Variants in GZMA observed in about 807,000 individuals in gnomAD.
The protein encoded by GZMA is granzyme A.
A neutral mutation model predicts 21.1 loss-of-function variants in GZMA; 17 were observed. The observed-to-expected ratio is 0.81, with a 90% CI of 0.55 to 1.21. The LOEUF (loss-of-function observed/expected upper bound fraction) is 1.21. Among genes scored for constraint, GZMA ranks in the 50% most tolerant of loss-of-function variants. The pLI is 0.00. For synonymous variants in GZMA, 90 were observed against 107.8 expected (o/e 0.83, Z 1.03); for missense variants, 306 against 315.9 (o/e 0.97, Z 0.24).
rs1325845946 is a variant in GZMA, at chr5:55,108,357, G to T, written c.590G>T (p.Cys197Phe). Residue 197 changes from cysteine to phenylalanine, a missense_variant, in exon 4 of 5, where the codon TGT becomes TTT. By Grantham distance (205) the Cys-to-Phe change is radical. Coordinates refer to ENST00000274306, the MANE Select transcript of GZMA (RefSeq NM_006144.4). ...CCTGTGATTGGAATGAATATGGTTT[G>T]TGCTGGAAGCCTCCGAGGTGGAAGA... ...FNPVIGMNMV[C>F]AGSLRGGRDS... The T allele has an allele frequency of 2.5e-6, 4 of 1,613,238 alleles. No individual in the cohort carries two copies. The highest frequency in any genetic ancestry group is 3.4e-6 in the Non-Finnish European group (4 of 1,179,342).
chr5:55,103,176 C>T (rs918098284), intron 1 of GZMA, among the ~76,000 whole-genome samples: 6 of 152,122 alleles, frequency 3.9e-5, no homozygotes, highest in East Asian at 1.9e-4. Context: ...GTTAACAAAA[C>T]TCTCTTGTTC....
At chr5:55,108,559 C>A (rs1046409696) in intron 4 of GZMA, among the ~76,000 whole-genome samples, 165 bp downstream of exon 4, 1 of 152,164 alleles carries the variant, frequency 6.6e-6, no homozygotes, top group Non-Finnish European at 1.5e-5. Flanking sequence ...ATGCTCGCAG[C>A]TCAAGTGAGT....
chr5:55,104,237 G>C lies in GZMA; in HGVS notation c.71-1237G>C, dbSNP rs147938616. ...TGCTCCTCTTTGTTTCCTGTGTTCA[G>C]AGAGGGCAGTGTGGGCCCATATAAG... On this transcript the variant is annotated intron_variant, in intron 1 of 4. Coordinates refer to ENST00000274306, the MANE Select transcript of GZMA (RefSeq NM_006144.4). 9.0e-4 allele frequency among the ~76,000 whole-genome samples: 137 copies of C among 152,318 alleles called. 1 individual carries two copies. The highest frequency in any genetic ancestry group is 3.0e-3 in the African/African-American group (123 of 41,570).
At chr5:55,103,994 G>A (rs1456504364) in intron 1 of GZMA, among the ~76,000 whole-genome samples, 1 of 151,494 alleles carries the variant, frequency 6.6e-6, no homozygotes, top group Non-Finnish European at 1.5e-5. Context: ...GACAGAGCGA[G>A]ACTCTGTCTC....
chr5:55,106,445 C>T (rs1002112733), intron 2 of GZMA, among the ~76,000 whole-genome samples: 3 of 152,082 alleles, frequency 2.0e-5, no homozygotes, highest in Non-Finnish European at 4.4e-5. Flanking sequence ...AAGTTAGGCC[C>T]ACACTTGCCA....
At chr5:55,104,310 TCA>T (rs1742349887) in intron 1 of GZMA, among the ~76,000 whole-genome samples, 7 of 152,188 alleles carry the variant, frequency 4.6e-5, no homozygotes, top group Non-Finnish European at 8.8e-5. Context: ...TGTACATGAA[TCA>T]CCCTAGGAAA....
Position 55,105,632 on chromosome 5 carries a change from T to A in GZMA, c.215+14T>A, listed in dbSNP as rs202128288. On this transcript the variant is annotated intron_variant, in intron 2 of 4. Transcript: ENST00000274306. The stretch of plus-strand genomic sequence containing the variant: ...TCACTGTAACTTGTAAGTGCCTGGG[T>A]TTTTAAAAAAAAGTTTGTAAAGATA... The A allele has an allele frequency of 6.2e-7, 1 of 1,608,010 alleles. No individual in the cohort carries two copies. The highest frequency in any genetic ancestry group is 1.7e-4 in the Middle Eastern group (1 of 6,040).
intron 1 of GZMA, 27 bp from the exon 2 acceptor site, chr5:55,105,446 AT>A: frequency 2.5e-6 from 4 of 1,582,918 alleles, no homozygotes; most frequent in Admixed American, 3.5e-5. Context: ...GTGAGCACCA[AT>A]CTGATTTGTC....
intron 2 of GZMA, 45 bp downstream of exon 2, chr5:55,105,663 A>AT (rs771752671): frequency 2.0e-6 from 3 of 1,533,422 alleles, no homozygotes; most frequent in Non-Finnish European, 2.7e-6. Flanking sequence ...AGATACTCTA[A>AT]TTTGGGGAAA....
rs1240498585 is a variant in GZMA, at chr5:55,108,240, A to G, written c.473A>G (p.Asn158Ser). 6.2e-7 allele frequency: 1 copy of G among 1,614,018 alleles called. No homozygotes were observed. Among genetic ancestry groups the G allele is most frequent in the South Asian group, 1.1e-5 (1 of 91,082 alleles). Residue 158 changes from asparagine to serine, a missense_variant, in exon 4 of 5, where the codon AAT (asparagine) becomes AGT (serine). Physicochemically the swap from Asn to Ser is conservative, Grantham distance 46. Transcript: ENST00000274306. ...CQVAGWGRTHNSASWSDTLRE... is the reference protein window; with the variant it reads ...CQVAGWGRTHSSASWSDTLRE... The stretch of plus-strand genomic sequence containing the variant: ...GTTGCAGGGTGGGGCAGGACTCACA[A>G]TAGTGCATCTTGGTCCGATACTCTG...
intron 2 of GZMA, among the ~76,000 whole-genome samples, chr5:55,107,239 AC>A (rs1742431142): frequency 6.6e-6 from 1 of 152,050 alleles, no homozygotes; most frequent in South Asian, 2.1e-4. Context: ...AGACTCCTGG[AC>A]CCCTCCTTCA....
At chr5:55,102,821 T>G (rs1580326618) in intron 1 of GZMA, 69 bp downstream of exon 1, 1 of 966,714 alleles carries the variant, frequency 1.0e-6, no homozygotes, top group Non-Finnish European at 1.7e-6. Context: ...AATGAACTTT[T>G]GGCAATATTA....
chr5:55,108,774 G>T (rs1366464587), intron 4 of GZMA, among the ~76,000 whole-genome samples: 2 of 152,108 alleles, frequency 1.3e-5, no homozygotes, highest in East Asian at 3.9e-4. Flanking sequence ...CCCCATTTCA[G>T]TACATTCCCT....
Position 55,108,387 on chromosome 5 carries a change from C to T in GZMA, c.620C>T (p.Ser207Leu), listed in dbSNP as rs1387974280. 9.9e-6 allele frequency: 16 copies of T among 1,608,146 alleles called. No homozygotes were observed. The African/African-American group carries it at 1.2e-4, about 12-fold the overall frequency. Residue 207 changes from serine (S) to leucine (L), a missense_variant, in exon 4 of 5, where the codon TCG (serine) becomes TTG (leucine). By Grantham distance (145) the Ser-to-Leu change is moderately radical. Transcript: ENST00000274306. ...GGAAGCCTCCGAGGTGGAAGAGACT[C>T]GTGCAATGTAAGTAAAATAAGATCC... is the stretch of plus-strand genomic sequence containing the variant. Reference protein sequence around the residue: ...CAGSLRGGRDSCNGDSGSPLL... With the variant: ...CAGSLRGGRDLCNGDSGSPLL...
rs376765919 is a variant in GZMA at position 55,102,787 on chromosome 5, T to C, written c.70+35T>C. On this transcript the variant is annotated intron_variant, in intron 1 of 4. Coordinates refer to ENST00000274306, the MANE Select transcript of GZMA (RefSeq NM_006144.4). ...ATTCTTCTCATTTCCATTATGACCATGAAGCAAAATGGAGCAGACTTTCAA... is the reference window on the plus strand; with the variant it reads ...ATTCTTCTCATTTCCATTATGACCACGAAGCAAAATGGAGCAGACTTTCAA... 5.2e-4 allele frequency: 666 copies of C among 1,275,852 alleles called. 3 individuals are homozygous for C. Among genetic ancestry groups the C allele is most frequent in the Middle Eastern group, 3.2e-3 (17 of 5,394 alleles). 79.0% of individuals were successfully genotyped at this position (1,275,852 alleles called of 1,614,324 possible).
rs1742444880 is a variant in GZMA at position 55,108,159 on chromosome 5, C to T, written c.392C>T (p.Thr131Ile). Residue 131 changes from threonine to isoleucine, a missense_variant, in exon 4 of 5, where the codon ACT becomes ATT. Coordinates refer to ENST00000274306, the MANE Select transcript of GZMA (RefSeq NM_006144.4). ...MEKAKINKYVTILHLPKKGDD... is the reference protein window; with the variant it reads ...MEKAKINKYVIILHLPKKGDD... ...AAAGCAAAAATTAACAAATATGTGA[C>T]TATCCTTCATCTACCTAAAAAGGGG... 4 of 1,607,902 alleles carry T rather than the reference C, an allele frequency of 2.5e-6. No homozygotes were observed. Among genetic ancestry groups the T allele is most frequent in the Non-Finnish European group, 3.4e-6 (4 of 1,174,620 alleles).
intron 1 of GZMA, 84 bp from the exon 2 acceptor site, chr5:55,105,390 G>T: frequency 8.2e-7 from 1 of 1,226,440 alleles, no homozygotes; most frequent in South Asian, 1.4e-5. Context: ...AGTGCAAAAA[G>T]CATGGCTGGT....
intron 1 of GZMA, among the ~76,000 whole-genome samples, chr5:55,104,916 C>T (rs1466709596): frequency 6.6e-6 from 1 of 152,184 alleles, no homozygotes; most frequent in East Asian, 1.9e-4. Context: ...ATTTTCTTAA[C>T]TTATGAGTGA....
chr5:55,109,880 A>C (rs1190156950), intron 4 of GZMA, 141 bp from the exon 5 acceptor site: 5 of 464,498 alleles, frequency 1.1e-5, no homozygotes, highest in Non-Finnish European at 1.9e-5. Flanking sequence ...CAAACATTTT[A>C]ATTTTTAAAA....
Sources: allele counts gnomAD v4.1 joint callset (sites outside exome capture counted in the v4.1 genomes callset), GRCh38; gene constraint gnomAD v4.1.1; transcripts MANE v1.5; gene names NCBI Gene and HGNC (gene_info 2026-07-23, HGNC 2026-07-21).